The following GNAI3 variants were observed in gnomAD, a reference collection of about 807,000 sequenced individuals.
The protein encoded by GNAI3 is guanine nucleotide-binding protein G(i) subunit alpha-3.
GNAI3 carries 12 observed loss-of-function variants against 41.8 expected under a neutral mutation model. The observed-to-expected ratio is 0.29, with a 90% confidence interval of 0.18 to 0.47. GNAI3 has a LOEUF of 0.47. Among genes scored for constraint, GNAI3 ranks in the 20% least tolerant of loss-of-function variants. GNAI3 has a pLI of 1.00. For synonymous variants in GNAI3, 132 were observed against 146.5 expected (o/e 0.90, Z 0.71); for missense variants, 360 against 429.6 (o/e 0.84, Z 1.43).
Position 109,548,826 on chromosome 1 carries a change from C to G in GNAI3, c.106C>G (p.Leu36Val). 1.2e-6 allele frequency: 2 copies of G among 1,600,586 alleles called. No homozygotes were observed. The highest frequency in any genetic ancestry group is 1.7e-6 in the Non-Finnish European group (2 of 1,169,298). The change falls in exon 1 of 9, where the codon CTG becomes GTG. Residue 36 changes from leucine (L) to valine (V), a missense_variant. Leu to Val is a conservative substitution (Grantham distance 32, BLOSUM62 1). Transcript: ENST00000369851. ...GGAAAAAGCGGCCAAAGAAGTGAAG[C>G]TGCTGCTACTCGGTGAGGGGCTGGA... ...DGEKAAKEVKLLLLGAGESGK... is the reference protein window; with the variant it reads ...DGEKAAKEVKVLLLGAGESGK...
At chr1:109,587,329 C>T (rs1649054408) in intron 7 of GNAI3, among the ~76,000 whole-genome samples, 1 of 152,112 alleles carries the variant, frequency 6.6e-6, no homozygotes, top group Non-Finnish European at 1.5e-5. Context: ...GCCCAAGAGA[C>T]TGACATGTAG....
intron 1 of GNAI3, among the ~76,000 whole-genome samples, chr1:109,551,937 G>A (rs1647990431): frequency 6.6e-6 from 1 of 152,108 alleles, no homozygotes; most frequent in Non-Finnish European, 1.5e-5. Flanking sequence ...CGAGGCTGGT[G>A]GATCACCTGA....
chr1:109,552,192 G>A (rs946387488), intron 1 of GNAI3, among the ~76,000 whole-genome samples: 15 of 151,990 alleles, frequency 9.9e-5, no homozygotes, highest in African/African-American at 3.6e-4. Context: ...GTGTTCTTGG[G>A]AAGATCTTGG....
chr1:109,557,870 A>C (rs748901215), intron 1 of GNAI3, among the ~76,000 whole-genome samples: 1 of 152,052 alleles, frequency 6.6e-6, no homozygotes, highest in Non-Finnish European at 1.5e-5. Context: ...TGAGTTTTAT[A>C]AGGTGACCCT....
intron 1 of GNAI3, among the ~76,000 whole-genome samples, chr1:109,557,313 C>T (rs576324779): frequency 9.2e-5 from 14 of 152,238 alleles, no homozygotes; most frequent in Non-Finnish European, 1.8e-4. Context: ...ACTTTTTATG[C>T]CACTTATAGT....
In GNAI3 at chr1:109,599,081, G is replaced by A. The variant is rs1570558415; in HGVS notation, c.*6759G>A. The A allele has an allele frequency of 8.7e-6, 3 of 345,274 alleles. No individual in the cohort carries two copies. Among genetic ancestry groups the A allele is most frequent in the South Asian group, 2.2e-5 (1 of 44,902 alleles). 21.4% of individuals were successfully genotyped at this position (345,274 alleles called of 1,614,324 possible). ...TGTTTTGGACTATTTGGAGGTACAT[G>A]TGAGTGGATTTTATTACCAGAGTAG... On this transcript the variant is annotated 3_prime_UTR_variant, in exon 9 of 9. Transcript: ENST00000369851.
Position 109,596,726 on chromosome 1 carries a change from T to G in GNAI3, c.*4404T>G, listed in dbSNP as rs561658885. On this transcript the variant is annotated 3_prime_UTR_variant, in exon 9 of 9. Transcript: ENST00000369851. ...CTCAAATCTTCTCAGGAATAAGAGG[T>G]AAGAAGGAATGTTAAACAGCAGTAG... The G allele has an allele frequency of 6.6e-6, 1 of 152,300 alleles. No individual in the cohort carries two copies. The highest frequency in any genetic ancestry group is 1.9e-4 in the East Asian group (1 of 5,184). 9.4% of individuals were successfully genotyped at this position (152,300 alleles called of 1,614,324 possible). A position where few individuals can be genotyped will look rare whatever the true frequency, so the allele number is the denominator to read the frequency against.
At position 109,577,902 on chromosome 1, in the gene GNAI3, G is replaced by A. The variant is rs538281004; in HGVS notation, c.304-1302G>A. Among the ~76,000 whole-genome samples, 7 of 152,218 alleles carry A rather than the reference G, an allele frequency of 4.6e-5. No homozygotes were observed. The East Asian group carries it at 1.2e-3, about 25-fold the overall frequency. Reference sequence around the variant, plus strand: ...TGCTTGTTAGTTTATTTGTCTTGATGACTACTTAAGATACAAATGATTGCT... The same window carrying A: ...TGCTTGTTAGTTTATTTGTCTTGATAACTACTTAAGATACAAATGATTGCT... On this transcript the variant is annotated intron_variant, in intron 3 of 8. Transcript: ENST00000369851.
At chr1:109,579,391 CAG>C (rs772703041) in intron 4 of GNAI3, 30 bp downstream of exon 4, 2 of 1,549,180 alleles carry the variant, frequency 1.3e-6, no homozygotes, top group East Asian at 2.2e-5. Flanking sequence ...GAAACTATAA[CAG>C]AGAATAACTT....
chr1:109,599,026 G>A lies in GNAI3; in HGVS notation c.*6704G>A, dbSNP rs989737908. 17 of 524,568 alleles carry A rather than the reference G, an allele frequency of 3.2e-5. No homozygotes were observed. The highest frequency in any genetic ancestry group is 2.9e-4 in the African/African-American group (15 of 51,780). The allele number at this position is 524,568 out of a possible 1,614,324, so 32.5% of individuals were successfully genotyped here. A position where few individuals can be genotyped will look rare whatever the true frequency, so the allele number is the denominator to read the frequency against. On this transcript the variant is annotated 3_prime_UTR_variant, in exon 9 of 9. Coordinates refer to ENST00000369851, the MANE Select transcript of GNAI3 (RefSeq NM_006496.4). ...TAGAGTGGGTTTTGAATGCTGTTATGTCTCACCGTGGGGATGGGAAGGAAT... is the reference window on the plus strand; with the variant it reads ...TAGAGTGGGTTTTGAATGCTGTTATATCTCACCGTGGGGATGGGAAGGAAT...
rs1001012076 is a variant in GNAI3, at chr1:109,576,215, C to G, written c.303+2178C>G. ...TCCCAAGGAGCTGGGATTACAGGCG[C>G]CTGCCACCACGGCTGACTAATTTTT... On this transcript the variant is annotated intron_variant, in intron 3 of 8. Transcript: ENST00000369851. Among the ~76,000 whole-genome samples, 7 of 150,990 alleles carry G rather than the reference C, an allele frequency of 4.6e-5. No individual in the cohort carries two copies. In the East Asian group the frequency reaches 1.4e-3, roughly 30 times the overall value.
At chr1:109,556,060 T>TGATACA (rs1648142407) in intron 1 of GNAI3, among the ~76,000 whole-genome samples, 1 of 149,630 alleles carries the variant, frequency 6.7e-6, no homozygotes, top group African/African-American at 2.5e-5. Context: ...TTTTTTTTGT[T>TGATACA]GAGTCTTACT....
chr1:109,578,449 G>A, intron 3 of GNAI3, among the ~76,000 whole-genome samples: 1 of 124,038 alleles, frequency 8.1e-6, no homozygotes, highest in Admixed American at 1.0e-4. Context: ...CAGCCTGAGT[G>A]ACAAGAGCGA....
intron 4 of GNAI3, among the ~76,000 whole-genome samples, chr1:109,582,102 C>T (rs1487851562): frequency 1.3e-5 from 2 of 152,056 alleles, no homozygotes; most frequent in African/African-American, 4.8e-5. Context: ...TCCTGCTTCA[C>T]TCAAGGGTAG....
chr1:109,583,192 A>AT (rs912264577), intron 5 of GNAI3, among the ~76,000 whole-genome samples: 7 of 151,800 alleles, frequency 4.6e-5, no homozygotes, highest in African/African-American at 1.5e-4. Flanking sequence ...ATAAACAGTG[A>AT]TTTTTTTGGT....
chr1:109,560,320 T>TA (rs1436090891), intron 1 of GNAI3, among the ~76,000 whole-genome samples: 4 of 152,182 alleles, frequency 2.6e-5, no homozygotes, highest in Non-Finnish European at 5.9e-5. Flanking sequence ...AAAGAATTCT[T>TA]ATTGCTTACC....
At chr1:109,587,237 G>A (rs968227915) in intron 7 of GNAI3, among the ~76,000 whole-genome samples, 4 of 152,258 alleles carry the variant, frequency 2.6e-5, no homozygotes, top group African/African-American at 9.6e-5. Context: ...AGGCAACATA[G>A]TGACACCCCC....
Position 109,582,494 on chromosome 1 carries a change from T to A in GNAI3, c.519T>A (p.Asp173Glu), listed in dbSNP as rs1238102675. Reference protein sequence around the residue: ...SQSNYIPTQQDVLRTRVKTTG... With the variant: ...SQSNYIPTQQEVLRTRVKTTG... ...CTAACTACATTCCAACTCAGCAAGATGTTCTTCGGACGAGAGTGAAGACCA... is the reference window on the plus strand; with the variant it reads ...CTAACTACATTCCAACTCAGCAAGAAGTTCTTCGGACGAGAGTGAAGACCA... The change falls in exon 5 of 9, where the codon GAT (aspartate) becomes GAA (glutamate). Residue 173 changes from aspartate (D) to glutamate (E), a missense_variant. Asp to Glu is a conservative substitution (Grantham distance 45). Coordinates refer to ENST00000369851, the MANE Select transcript of GNAI3 (RefSeq NM_006496.4). 4 of 1,596,934 alleles carry A rather than the reference T, an allele frequency of 2.5e-6. No homozygotes were observed. Among genetic ancestry groups the A allele is most frequent in the African/African-American group, 1.3e-5 (1 of 74,566 alleles).
chr1:109,564,366 TG>T (rs1648395986), intron 1 of GNAI3, among the ~76,000 whole-genome samples: 1 of 152,106 alleles, frequency 6.6e-6, no homozygotes, highest in South Asian at 2.1e-4. Flanking sequence ...TTTTTTAAAC[TG>T]GGTCAACAAC....
Sources: gnomAD v4.1 joint callset for allele counts (sites outside exome capture counted in the v4.1 genomes callset) on GRCh38, gnomAD v4.1.1 for gene constraint, MANE v1.5 for transcripts, NCBI Gene and HGNC (gene_info 2026-07-23, HGNC 2026-07-21) for gene names.